Variants in CSMD1 observed in about 807,000 individuals in gnomAD.
The protein encoded by CSMD1 is CUB and Sushi multiple domains 1.
In CSMD1, 213 loss-of-function variants were observed where a neutral mutation model predicts 417.5. The ratio of observed to expected loss-of-function variants is 0.51; its 90% CI spans 0.46 to 0.57. CSMD1 has a LOEUF of 0.57. Among genes scored for constraint, CSMD1 ranks in the 20% least tolerant of loss-of-function variants. The pLI is 0.00. For missense variants in CSMD1, 6,923 were observed against 4,529.7 expected (o/e 1.53, Z -15.17); for synonymous variants, 2,862 against 1,736.8 (o/e 1.65, Z -16.11).
chr8:4,751,173 T>G (rs1370363469), intron 1 of CSMD1, among the ~76,000 whole-genome samples: 1 of 152,256 alleles, frequency 6.6e-6, no homozygotes, highest in East Asian at 1.9e-4. Context: ...TCACCTGAGG[T>G]AAGGAATTCC....
At chr8:3,727,027 C>T (rs28572658) in intron 6 of CSMD1, among the ~76,000 whole-genome samples, 7,420 of 152,214 alleles carry the variant, frequency 0.049, 212 homozygotes, top group Middle Eastern at 0.1. Flanking sequence ...CATTTATTTT[C>T]TCTTAGTTAC....
chr8:3,953,676 T>G (rs1811734332), intron 5 of CSMD1, among the ~76,000 whole-genome samples: 1 of 151,808 alleles, frequency 6.6e-6, no homozygotes, highest in Non-Finnish European at 1.5e-5. Flanking sequence ...CCTGGGGAAG[T>G]GATGGCGGGG....
At chr8:3,204,637 TTTCTTA>T (rs1367467839) in intron 31 of CSMD1, among the ~76,000 whole-genome samples, 1 of 152,154 alleles carries the variant, frequency 6.6e-6, no homozygotes, top group African/African-American at 2.4e-5. Context: ...CACACACAAG[TTTCTTA>T]CACATCAAAT....
At chr8:3,103,106 G>A (rs1366202594) in intron 46 of CSMD1, among the ~76,000 whole-genome samples, 3 of 152,202 alleles carry the variant, frequency 2.0e-5, no homozygotes, top group Admixed American at 6.5e-5. Context: ...GACCTTAGCT[G>A]TAGATTTTAA....
At chr8:3,997,436 C>T (rs1451642101) in intron 5 of CSMD1, among the ~76,000 whole-genome samples, 3 of 152,150 alleles carry the variant, frequency 2.0e-5, no homozygotes, top group Non-Finnish European at 2.9e-5. Flanking sequence ...GATCTTGTAG[C>T]CACGGGCACT....
chr8:3,468,171 C>G (rs116719377), intron 12 of CSMD1, among the ~76,000 whole-genome samples: 181 of 152,246 alleles, frequency 1.2e-3, no homozygotes, highest in African/African-American at 4.2e-3. Context: ...TTAATGGGAT[C>G]TTTTTCACAG....
chr8:3,566,435 G>A (rs1441639173), intron 10 of CSMD1, among the ~76,000 whole-genome samples: 1 of 152,014 alleles, frequency 6.6e-6, no homozygotes, highest in Admixed American at 6.6e-5. Context: ...AGGCACCACT[G>A]TACCTAGGGA....
intron 3 of CSMD1, among the ~76,000 whole-genome samples, chr8:4,201,256 G>A (rs1420714463): frequency 1.3e-5 from 2 of 152,128 alleles, no homozygotes; most frequent in Non-Finnish European, 2.9e-5. Context: ...AAAAAATTCA[G>A]GGCCGGGCGC....
intron 3 of CSMD1, among the ~76,000 whole-genome samples, chr8:4,143,932 C>T (rs375025028): frequency 2.0e-5 from 3 of 151,188 alleles, no homozygotes; most frequent in African/African-American, 7.4e-5. Context: ...GCCCGTGTTG[C>T]AGATGAAGGG....
At chr8:3,349,686 A>T (rs1808261609) in intron 21 of CSMD1, among the ~76,000 whole-genome samples, 1 of 149,402 alleles carries the variant, frequency 6.7e-6, no homozygotes, top group Non-Finnish European at 1.5e-5. Context: ...ATTTTAAAAG[A>T]GAAATTTATA....
At chr8:3,342,888 T>C (rs1268327179) in intron 23 of CSMD1, among the ~76,000 whole-genome samples, 1 of 57,894 alleles carries the variant, frequency 1.7e-5, no homozygotes, top group African/African-American at 6.8e-5. Flanking sequence ...AATGTATAAA[T>C]ATATGTGTGT....
At chr8:4,669,762 A>G (rs2725057) in intron 1 of CSMD1, among the ~76,000 whole-genome samples, 115,936 of 152,076 alleles carry the variant, frequency 0.76, 45,189 homozygotes, top group African/African-American at 0.93. Context: ...GGTCAGAGGT[A>G]GGGGGTACTG....
At chr8:4,599,376 T>A (rs1800461809) in intron 2 of CSMD1, among the ~76,000 whole-genome samples, 1 of 152,100 alleles carries the variant, frequency 6.6e-6, no homozygotes, top group South Asian at 2.1e-4. Context: ...TTTTTTTTTT[T>A]CCTTAAAGAT....
At chr8:3,955,403 G>A (rs1042822525) in intron 5 of CSMD1, among the ~76,000 whole-genome samples, 1 of 152,162 alleles carries the variant, frequency 6.6e-6, no homozygotes, top group Non-Finnish European at 1.5e-5. Flanking sequence ...ATGACTCTAA[G>A]CTTCCATTTA....
At chr8:3,083,925 AG>A (rs1272098355) in intron 49 of CSMD1, among the ~76,000 whole-genome samples, 16 of 151,870 alleles carry the variant, frequency 1.1e-4, no homozygotes, top group African/African-American at 3.9e-4. Flanking sequence ...GGCCTCCCAA[AG>A]ATGCTTGGAA....
chr8:4,364,002 G>A (rs1364119049), intron 3 of CSMD1, among the ~76,000 whole-genome samples: 3 of 152,116 alleles, frequency 2.0e-5, no homozygotes, highest in African/African-American at 7.2e-5. Flanking sequence ...TTGACTGACT[G>A]TAGTCAATAA....
intron 3 of CSMD1, among the ~76,000 whole-genome samples, chr8:4,398,209 G>A (rs557907802): frequency 3.5e-4 from 54 of 152,252 alleles, no homozygotes; most frequent in African/African-American, 1.3e-3. Context: ...GTAGAAGGAT[G>A]ATCTGTAGTA....
At chr8:4,401,130 C>T (rs964040848) in intron 3 of CSMD1, among the ~76,000 whole-genome samples, 1 of 152,126 alleles carries the variant, frequency 6.6e-6, no homozygotes, top group Non-Finnish European at 1.5e-5. Context: ...CATAAAGCTT[C>T]TGTTTGAAGC....
chr8:3,212,100 A>T (rs112028387), intron 30 of CSMD1, among the ~76,000 whole-genome samples: 1 of 152,166 alleles, frequency 6.6e-6, no homozygotes, highest in African/African-American at 2.4e-5. Flanking sequence ...ATGCTAGATC[A>T]AAGGCTCTCT....
Sources: allele counts gnomAD v4.1 joint callset (sites outside exome capture counted in the v4.1 genomes callset), GRCh38; gene constraint gnomAD v4.1.1; transcripts MANE v1.5; gene names NCBI Gene and HGNC (gene_info 2026-07-23, HGNC 2026-07-21).